The following CSTPP1 variants were observed in gnomAD, a reference collection of about 807,000 sequenced individuals.
CSTPP1 encodes the protein centriolar satellite-associated tubulin polyglutamylase complex regulator 1.
chr11:47,096,712 T>G, the CSTPP1 span, among the ~76,000 whole-genome samples: 1 of 152,144 alleles, frequency 6.6e-6, no homozygotes, highest in Non-Finnish European at 1.5e-5. Context: ...GTTGGTGATA[T>G]TCAATCTGAT....
chr11:47,133,122 C>A, the CSTPP1 span, among the ~76,000 whole-genome samples: 3 of 152,226 alleles, frequency 2.0e-5, no homozygotes, highest in African/African-American at 7.2e-5. Flanking sequence ...GGATTTGGAC[C>A]CGAACAATCT....
the CSTPP1 span, among the ~76,000 whole-genome samples, chr11:47,058,636 T>C: frequency 0.014 from 2,198 of 152,332 alleles, 55 homozygotes; most frequent in African/African-American, 0.05. Flanking sequence ...ATTAAGTGCT[T>C]CTATGTAGAT....
At chr11:47,153,478 A>G in the CSTPP1 span, among the ~76,000 whole-genome samples, 2 of 152,174 alleles carry the variant, frequency 1.3e-5, no homozygotes, top group Admixed American at 1.3e-4. Flanking sequence ...CTGCAGCTTT[A>G]TTTTCAAAGA....
chr11:47,014,687 G>A, the CSTPP1 span, among the ~76,000 whole-genome samples: 2 of 146,552 alleles, frequency 1.4e-5, no homozygotes, highest in African/African-American at 2.5e-5. Flanking sequence ...CCTGGGCAAC[G>A]AGCGAAACTC....
At chr11:47,110,734 T>C in the CSTPP1 span, among the ~76,000 whole-genome samples, 1 of 152,178 alleles carries the variant, frequency 6.6e-6, no homozygotes, top group Non-Finnish European at 1.5e-5. Flanking sequence ...TATCTTCATC[T>C]AGCCTTTATT....
At chr11:46,993,616 G>A in the CSTPP1 span, among the ~76,000 whole-genome samples, 2 of 152,034 alleles carry the variant, frequency 1.3e-5, no homozygotes, top group African/African-American at 4.8e-5. Context: ...TGAGGGCTCT[G>A]TTCTGTTCCA....
chr11:47,099,482 T>C, the CSTPP1 span, among the ~76,000 whole-genome samples: 1 of 152,148 alleles, frequency 6.6e-6, no homozygotes, highest in Non-Finnish European at 1.5e-5. Flanking sequence ...TGGAGACTCC[T>C]AGGGACCCCC....
chr11:47,148,488 A>C, the CSTPP1 span, among the ~76,000 whole-genome samples: 2 of 152,164 alleles, frequency 1.3e-5, no homozygotes, highest in African/African-American at 4.8e-5. Context: ...CTCCTCAAAG[A>C]AGTCCAGTCA....
chr11:47,033,623 C>T, the CSTPP1 span, among the ~76,000 whole-genome samples: 1 of 152,176 alleles, frequency 6.6e-6, no homozygotes, highest in African/African-American at 2.4e-5. Context: ...TGTCGTAAAT[C>T]CTGTGAAGTC....
chr11:47,134,943 T>A, the CSTPP1 span, among the ~76,000 whole-genome samples: 7 of 152,160 alleles, frequency 4.6e-5, no homozygotes, highest in South Asian at 2.1e-4. Context: ...ACCCCGTCTC[T>A]ACAAAAATTT....
the CSTPP1 span, among the ~76,000 whole-genome samples, chr11:47,003,461 C>CT: frequency 6.6e-6 from 1 of 152,198 alleles, no homozygotes; most frequent in Non-Finnish European, 1.5e-5. Flanking sequence ...CTTCACTCTG[C>CT]TTTTAGAATT....
chr11:47,163,220 G>T, the CSTPP1 span, among the ~76,000 whole-genome samples: 1 of 150,180 alleles, frequency 6.7e-6, no homozygotes, highest in African/African-American at 2.5e-5. Flanking sequence ...GAGCTCTGTA[G>T]GCCCACAATG....
the CSTPP1 span, among the ~76,000 whole-genome samples, chr11:46,954,565 A>G: frequency 0.59 from 89,211 of 151,830 alleles, 30,194 homozygotes; most frequent in Non-Finnish European, 0.77. Flanking sequence ...ATAAATAAAT[A>G]AATAAAAAAT....
chr11:47,161,346 C>CT, the CSTPP1 span: 135 of 1,585,806 alleles, frequency 8.5e-5, no homozygotes, highest in Admixed American at 1.3e-3. Flanking sequence ...GTCCCTCCCT[C>CT]TGAGTCCTTT....
chr11:47,040,584 G>T, the CSTPP1 span, among the ~76,000 whole-genome samples: 20 of 126,800 alleles, frequency 1.6e-4, 3 homozygotes, highest in East Asian at 3.8e-3. Context: ...TGCTGAACAG[G>T]AGAACTGCTA....
the CSTPP1 span, among the ~76,000 whole-genome samples, chr11:47,134,678 G>A: frequency 6.6e-6 from 1 of 152,288 alleles, no homozygotes; most frequent in African/African-American, 2.4e-5. Context: ...CAGAAGCTAG[G>A]GGGACTGCTA....
At chr11:47,022,358 CTTTTTTTTTTTTTTTTTTT>C in the CSTPP1 span, among the ~76,000 whole-genome samples, 1 of 48,754 alleles carries the variant, frequency 2.1e-5, no homozygotes, top group Non-Finnish European at 3.6e-5. Context: ...TTCATATGTC[CTTTTTTTTTTTTTTTTTTT>C]TTTTTTTTTG....
chr11:47,133,943 A>G, the CSTPP1 span, among the ~76,000 whole-genome samples: 6 of 152,082 alleles, frequency 3.9e-5, no homozygotes, highest in African/African-American at 1.4e-4. Context: ...GTGCTCAATA[A>G]ATGTTAGCTG....
At chr11:46,950,333 C>A in the CSTPP1 span, among the ~76,000 whole-genome samples, 1 of 151,670 alleles carries the variant, frequency 6.6e-6, no homozygotes, top group Non-Finnish European at 1.5e-5. Context: ...GCCACCTCGC[C>A]CAGCTAATTT....
Sources: gnomAD v4.1 joint callset for allele counts (sites outside exome capture counted in the v4.1 genomes callset) on GRCh38, gnomAD v4.1.1 for gene constraint, MANE v1.5 for transcripts, NCBI Gene and HGNC (gene_info 2026-07-23, HGNC 2026-07-21) for gene names.